The following OR2L13 variants were observed in gnomAD, a reference collection of about 807,000 sequenced individuals.
OR2L13 encodes olfactory receptor 2L13.
In OR2L13, 14 loss-of-function variants were observed where a neutral mutation model predicts 15.3. The observed-to-expected ratio is 0.91, with a 90% CI of 0.60 to 1.43. The LOEUF (loss-of-function observed/expected upper bound fraction) is 1.43, where lower values mean the gene tolerates loss of function less well. OR2L13 is among the 40% of genes most tolerant of loss of function. The pLI is 0.00. For missense variants in OR2L13, 367 were observed against 387.9 expected (o/e 0.95, Z 0.45); for synonymous variants, 152 against 142.9 (o/e 1.06, Z -0.45).
chr1:248,070,170 AC>A, the OR2L13 span, among the ~76,000 whole-genome samples: 2 of 152,212 alleles, frequency 1.3e-5, no homozygotes, highest in Admixed American at 6.5e-5. Flanking sequence ...AACAGAATAT[AC>A]ATTTTTTTCA....
the OR2L13 span, among the ~76,000 whole-genome samples, chr1:248,008,060 G>A: frequency 6.6e-6 from 1 of 152,122 alleles, no homozygotes; most frequent in Non-Finnish European, 1.5e-5. Flanking sequence ...TTTTCTGCAT[G>A]CAGCAAGCTA....
the OR2L13 span, chr1:248,022,083 C>A: frequency 1.2e-6 from 2 of 1,613,886 alleles, no homozygotes; most frequent in Non-Finnish European, 1.7e-6. Flanking sequence ...ATCCATGATT[C>A]TTCTCATCTT....
chr1:248,041,176 A>G, the OR2L13 span: 2 of 152,222 alleles, frequency 1.3e-5, no homozygotes, highest in African/African-American at 4.8e-5. Context: ...GATCAATGCA[A>G]CAGAACAGAG....
chr1:248,045,590 G>A, the OR2L13 span, among the ~76,000 whole-genome samples: 1 of 152,144 alleles, frequency 6.6e-6, no homozygotes, highest in African/African-American at 2.4e-5. Context: ...TTACCTGGTT[G>A]CACTAGACAT....
the OR2L13 span, among the ~76,000 whole-genome samples, chr1:248,064,909 C>A: frequency 6.6e-6 from 1 of 152,148 alleles, no homozygotes; most frequent in Non-Finnish European, 1.5e-5. Context: ...AATTCGTTTA[C>A]CCCTGTAGGT....
chr1:248,031,472 T>A, the OR2L13 span, among the ~76,000 whole-genome samples: 1 of 152,206 alleles, frequency 6.6e-6, no homozygotes, highest in African/African-American at 2.4e-5. Flanking sequence ...TGGGCAGTGC[T>A]TCCCCTTCTG....
chr1:247,949,905 G>A, the OR2L13 span: 5 of 697,484 alleles, frequency 7.2e-6, no homozygotes, highest in Non-Finnish European at 6.5e-6. Context: ...ACTAACCAAC[G>A]GAAGAAGAAA....
chr1:248,019,505 T>C, the OR2L13 span, among the ~76,000 whole-genome samples: 1 of 152,208 alleles, frequency 6.6e-6, no homozygotes, highest in East Asian at 1.9e-4. Flanking sequence ...GTTTTAGCTC[T>C]TACACTTAGG....
chr1:247,947,477 C>T, the OR2L13 span, among the ~76,000 whole-genome samples: 1 of 152,180 alleles, frequency 6.6e-6, no homozygotes, highest in Admixed American at 6.5e-5. Flanking sequence ...TGATGTCTTA[C>T]ATCTGGAGTG....
the OR2L13 span, among the ~76,000 whole-genome samples, chr1:248,011,605 T>C: frequency 0.031 from 4,796 of 152,262 alleles, 229 homozygotes; most frequent in African/African-American, 0.11. Flanking sequence ...GTAGGTTTGG[T>C]CTTTTCTCAT....
the OR2L13 span, among the ~76,000 whole-genome samples, chr1:248,037,833 A>G: frequency 4.0e-3 from 610 of 152,296 alleles, 2 homozygotes; most frequent in Non-Finnish European, 5.9e-3. Context: ...TAAATTTTCA[A>G]TTGGTTTTCA....
At chr1:248,061,676 T>C in the OR2L13 span, 14 of 1,417,272 alleles carry the variant, frequency 9.9e-6, no homozygotes, top group Middle Eastern at 1.8e-4. Flanking sequence ...CAGCAGTGTA[T>C]AGTAATTAAA....
chr1:248,019,417 A>G, the OR2L13 span, among the ~76,000 whole-genome samples: 1 of 152,220 alleles, frequency 6.6e-6, no homozygotes, highest in African/African-American at 2.4e-5. Flanking sequence ...GATGAAACCC[A>G]TCATAAATCG....
chr1:247,971,444 T>C, the OR2L13 span, among the ~76,000 whole-genome samples: 3 of 152,340 alleles, frequency 2.0e-5, no homozygotes, highest in South Asian at 6.2e-4. Context: ...CAATTTGTTA[T>C]AGTTTAAACC....
chr1:248,024,464 T>G, the OR2L13 span, among the ~76,000 whole-genome samples: 1 of 152,206 alleles, frequency 6.6e-6, no homozygotes, highest in Non-Finnish European at 1.5e-5. Context: ...ATAAAATGCA[T>G]TTTTATTAAA....
upstream of OR2L13, among the ~76,000 whole-genome samples, chr1:248,092,783 T>G (rs1019917553): frequency 6.6e-6 from 1 of 152,168 alleles, no homozygotes; most frequent in African/African-American, 2.4e-5. Flanking sequence ...TCGCACCTAC[T>G]GAAACCCCTT....
chr1:247,977,048 T>C, the OR2L13 span, among the ~76,000 whole-genome samples: 1 of 152,212 alleles, frequency 6.6e-6, no homozygotes, highest in Non-Finnish European at 1.5e-5. Context: ...ATCCTACTAT[T>C]TCTAATAATA....
the OR2L13 span, chr1:248,041,483 G>T: frequency 3.3e-5 from 5 of 152,140 alleles, no homozygotes; most frequent in Non-Finnish European, 7.3e-5. Flanking sequence ...CAAAAGCAAT[G>T]GCAACAAAAG....
At chr1:248,042,809 C>T in the OR2L13 span, among the ~76,000 whole-genome samples, 4 of 152,310 alleles carry the variant, frequency 2.6e-5, no homozygotes, top group South Asian at 6.2e-4. Context: ...TCCAGATCCT[C>T]ATCCTCTCTT....
Sources: allele counts gnomAD v4.1 joint callset (sites outside exome capture counted in the v4.1 genomes callset), GRCh38; gene constraint gnomAD v4.1.1; transcripts MANE v1.5; gene names NCBI Gene and HGNC (gene_info 2026-07-23, HGNC 2026-07-21).